HERC1: variants seen among roughly 807,000 people sequenced by gnomAD.
The protein encoded by HERC1 is probable E3 ubiquitin-protein ligase HERC1.
HERC1 carries 160 observed loss-of-function variants against 554.3 expected under a neutral mutation model. The observed-to-expected ratio is 0.29, with a 90% CI of 0.25 to 0.33. HERC1 has a LOEUF of 0.33. Among genes scored for constraint, HERC1 ranks in the 10% least tolerant of loss-of-function variants. The pLI, the probability that HERC1 is intolerant of heterozygous loss-of-function variation, is 1.00. For synonymous variants in HERC1, 2,175 were observed against 2,131.7 expected (o/e 1.02, Z -0.56); for missense variants, 4,919 against 5,918.5 (o/e 0.83, Z 5.54).
chr15:63,755,364 G>T, intron 5 of HERC1, 39 bp from the exon 6 acceptor site: 1 of 1,416,930 alleles, frequency 7.1e-7, no homozygotes, highest in Non-Finnish European at 1.0e-6. Context: ...GTATGCACAT[G>T]TTAAAACATA....
rs1476132175 is a variant in HERC1 at position 63,638,735 on chromosome 15, C to T, written c.11943G>A (p.Met3981Ile). ...KWINGMDEQI[M>I]SWATSRPEDW... ...CCTCAGGTCTGGAAGTTGCCCAAGA[C>T]ATAATTTGTTCATCCATGCCGTTAA... Residue 3981 changes from methionine (M) to isoleucine (I), a missense_variant, in exon 62 of 78, where the codon ATG (methionine) becomes ATA (isoleucine). Physicochemically the swap from Met to Ile is conservative, Grantham distance 10 (BLOSUM62 1). Around this residue, in one of 11 missense-constraint regions of HERC1, gnomAD observed 1,963 missense variants for 2,228.6 expected, o/e 0.88. Transcript: ENST00000443617. 1 of 1,613,610 alleles carries T rather than the reference C, an allele frequency of 6.2e-7. No individual in the cohort carries two copies. Among genetic ancestry groups the T allele is most frequent in the African/African-American group, 1.3e-5 (1 of 75,024 alleles).
rs1470093318 is a variant in HERC1 at position 63,694,110 on chromosome 15, T to C, written c.5528A>G (p.Asp1843Gly). ...LSPKVVQSLL[D>G]LLCSQLKNLL... ...ATTCTTCAACTGACTACAGAGTAGA[T>C]CCAACAAGGATTGAACTACTTTGGG... The change falls in exon 30 of 78, where the codon GAT becomes GGT. Residue 1843 changes from aspartate (D) to glycine (G), a missense_variant. This residue lies in a region of HERC1 where 1,121 missense variants were observed against 1,244.0 expected (regional missense o/e 0.90). Coordinates refer to ENST00000443617, the MANE Select transcript of HERC1 (RefSeq NM_003922.4). This position sits in a 1 kb window ranked among gnomAD's most constrained non-coding sequence, Gnocchi z 4.3. 1 of 1,610,460 alleles carries C rather than the reference T, an allele frequency of 6.2e-7. No homozygotes were observed. Among genetic ancestry groups the C allele is most frequent in the South Asian group, 1.1e-5 (1 of 90,186 alleles).
intron 39 of HERC1, among the ~76,000 whole-genome samples, chr15:63,669,918 G>A (rs920260838): frequency 6.6e-6 from 1 of 152,096 alleles, no homozygotes; most frequent in Non-Finnish European, 1.5e-5. Context: ...TCAGCAAAAT[G>A]CCAGCAACAA....
chr15:63,774,955 C>G lies in HERC1; in HGVS notation c.669G>C (p.Ser223=), dbSNP rs1237843217. The G allele has an allele frequency of 1.9e-6, 3 of 1,613,944 alleles. No individual in the cohort carries two copies. The highest frequency in any genetic ancestry group is 1.7e-5 in the Admixed American group (1 of 60,020). The change falls in exon 2 of 78, where the codon TCG becomes TCC. Residue 223 remains serine, a synonymous_variant. Transcript: ENST00000443617. ...CTCCTTTAAGAAATGTTGTTACTTG[C>G]GATAAGCAGTCCAAGCCCATAGGAG... ...KIPPMGLDCL[S]QVTTFLKGVT...
At position 63,756,431 on chromosome 15, in the gene HERC1, A is replaced by T; in HGVS notation, c.1533+6T>A. On this transcript the variant is annotated splice_donor_region_variant and intron_variant, in intron 5 of 77. Transcript: ENST00000443617. This position sits in a 1 kb window ranked among gnomAD's most constrained non-coding sequence, Gnocchi z 5.0. ...TTATTTTTATAACCAAAAAGAATGC[A>T]CATACCTTTCCTTGTAGAGGTCCCT... 6.2e-7 allele frequency: 1 copy of T among 1,602,634 alleles called. No homozygotes were observed. Among genetic ancestry groups the T allele is most frequent in the Non-Finnish European group, 8.5e-7 (1 of 1,173,706 alleles).
At chr15:63,681,837 C>T (rs1423753244) in intron 34 of HERC1, among the ~76,000 whole-genome samples, 3 of 152,184 alleles carry the variant, frequency 2.0e-5, no homozygotes, top group African/African-American at 7.2e-5. Flanking sequence ...TGCACTTGTG[C>T]TCATGGCAGG....
Position 63,784,547 on chromosome 15 carries a change from T to A in HERC1, c.-26-8898A>T, listed in dbSNP as rs939578122. Among the ~76,000 whole-genome samples the A allele has an allele frequency of 2.0e-5, 3 of 152,276 alleles. No homozygotes were observed. The East Asian group carries it at 5.8e-4, about 29-fold the overall frequency. On this transcript the variant is annotated intron_variant, in intron 1 of 77. Coordinates refer to ENST00000443617, the MANE Select transcript of HERC1 (RefSeq NM_003922.4). ...TTACTGGGAGCTGGGGTAGGAAAGATATTTGCTCTTCACTGCATAAATTTG... is the reference window on the plus strand; with the variant it reads ...TTACTGGGAGCTGGGGTAGGAAAGAAATTTGCTCTTCACTGCATAAATTTG...
At chr15:63,632,016 C>A (rs1051011457) in intron 68 of HERC1, among the ~76,000 whole-genome samples, 3 of 152,214 alleles carry the variant, frequency 2.0e-5, no homozygotes, top group Non-Finnish European at 4.4e-5. Context: ...CATAATCAAT[C>A]CTTCTGGAGT....
At chr15:63,667,181 T>C (rs772387665) in intron 40 of HERC1, among the ~76,000 whole-genome samples, 7 of 152,176 alleles carry the variant, frequency 4.6e-5, no homozygotes, top group Non-Finnish European at 4.4e-5. Flanking sequence ...AACAGAAAGA[T>C]GCACAAAACA....
chr15:63,618,717 A>C (rs947301947), intron 74 of HERC1, among the ~76,000 whole-genome samples: 5 of 152,166 alleles, frequency 3.3e-5, no homozygotes, highest in Non-Finnish European at 5.9e-5. Flanking sequence ...GAGGTCCTTC[A>C]CATCCCTTGT....
chr15:63,690,481 T>C, intron 32 of HERC1, 60 bp downstream of exon 32: 1 of 1,067,374 alleles, frequency 9.4e-7, no homozygotes, highest in South Asian at 1.3e-5. Context: ...TAAGTACAGA[T>C]TTGGGTGAAT....
At chr15:63,699,075 T>C in intron 25 of HERC1, 79 bp from the exon 26 acceptor site, 1 of 1,286,288 alleles carries the variant, frequency 7.8e-7, no homozygotes. Context: ...GGCTGAGTGC[T>C]GCTACCATAA....
rs938052998 is a variant in HERC1 at position 63,749,252 on chromosome 15, T to A, written c.2219+115A>T. 40 of 799,912 alleles carry A rather than the reference T, an allele frequency of 5.0e-5. No homozygotes were observed. The African/African-American group carries it at 6.3e-4, about 13-fold the overall frequency. 49.6% of individuals were successfully genotyped at this position (799,912 alleles called of 1,614,324 possible). A position where few individuals can be genotyped will look rare whatever the true frequency, so the allele number is the denominator to read the frequency against. On this transcript the variant is annotated intron_variant, in intron 10 of 77. Transcript: ENST00000443617. The surrounding 1 kb of genome is among the most constrained non-coding windows in gnomAD (Gnocchi z 4.1). ...AGAGAAAAAGCAATACTATATATGT[T>A]CAGAAGAGTATTTTATGAACAAAGC...
rs35074987 is a variant in HERC1, at chr15:63,821,726, C to CAAAAAAAAA, written c.-27+12092_-27+12100dup. 7.7e-4 allele frequency among the ~76,000 whole-genome samples: 48 copies of CAAAAAAAAA among 62,468 alleles called. 1 individual carries two copies. Among genetic ancestry groups the CAAAAAAAAA allele is most frequent in the African/African-American group, 3.3e-3 (47 of 14,334 alleles). 41.0% of individuals were successfully genotyped at this position (62,468 alleles called of 152,430 possible). A position where few individuals can be genotyped will look rare whatever the true frequency, so the allele number is the denominator to read the frequency against. ...TGGGAGACAGAGTGATACCCTGTCT[C>CAAAAAAAAA]AAAAAAAAAAAAAAAAAAAAAAAAT... On this transcript the variant is annotated intron_variant, in intron 1 of 77. Transcript: ENST00000443617.
chr15:63,693,983 A>G lies in HERC1; in HGVS notation c.5655T>C (p.Thr1885=), dbSNP rs775725934. 1 of 1,552,966 alleles carries G rather than the reference A, an allele frequency of 6.4e-7. No individual in the cohort carries two copies. Among genetic ancestry groups the G allele is most frequent in the Non-Finnish European group, 8.7e-7 (1 of 1,147,828 alleles). ...EEKKVDSSGE[T]EKKDFRAALR... ...CATTACCTCTGAAATCTTTCTTCTC[A>G]GTTTCTCCACTGGAGTCAACTTTTT... Residue 1885 remains threonine, a synonymous_variant, in exon 30 of 78, where the codon ACT becomes ACC. Transcript: ENST00000443617.
rs144619662 is a variant in HERC1, at chr15:63,644,325, A to G, written c.11184+667T>C. Among the ~76,000 whole-genome samples the G allele has an allele frequency of 3.8e-3, 583 of 152,366 alleles. 3 individuals are homozygous for G. The highest frequency in any genetic ancestry group is 6.8e-3 in the Middle Eastern group (2 of 294). On this transcript the variant is annotated intron_variant, in intron 57 of 77. Coordinates refer to ENST00000443617, the MANE Select transcript of HERC1 (RefSeq NM_003922.4). ...AGAGATGCGATCTGACTGGCCACTC[A>G]GTGTTTTAAACAATTTTAAGTTAGG... is the stretch of plus-strand genomic sequence containing the variant.
Position 63,669,591 on chromosome 15 carries a change from C to G in HERC1, c.8153G>C (p.Arg2718Thr). 1 of 1,613,876 alleles carries G rather than the reference C, an allele frequency of 6.2e-7. No homozygotes were observed. Among genetic ancestry groups the G allele is most frequent in the East Asian group, 2.2e-5 (1 of 44,886 alleles). The change falls in exon 40 of 78, where the codon AGG (arginine) becomes ACG (threonine). Residue 2718 changes from arginine to threonine, a missense_variant. Physicochemically the swap from Arg to Thr is moderately conservative, Grantham distance 71. Transcript: ENST00000443617. ...PTSPSDEVGR[R>T]QSLTSPDSQS... Reference sequence around the variant, plus strand: ...GGAATCAGGAGAAGTTAAACTTTGCCTCCTTCCTACTTCATCAGAAGGAGA... The same window carrying G: ...GGAATCAGGAGAAGTTAAACTTTGCGTCCTTCCTACTTCATCAGAAGGAGA...
At chr15:63,666,213 A>G in intron 41 of HERC1, 63 bp from the exon 42 acceptor site, 1 of 1,458,618 alleles carries the variant, frequency 6.9e-7, no homozygotes, top group South Asian at 1.2e-5. Context: ...TTATGTTATA[A>G]GAGTGTTTGC....
In HERC1 at chr15:63,754,654, A is replaced by G. The variant is rs375449836; in HGVS notation, c.1631-6T>C. On this transcript the variant is annotated splice_region_variant and splice_polypyrimidine_tract_variant and intron_variant, in intron 6 of 77. Coordinates refer to ENST00000443617, the MANE Select transcript of HERC1 (RefSeq NM_003922.4). ...ACTATTGCTGTCACCATGACCTTGGATAAAACACACACAACAACAAAGAAA... is the reference window on the plus strand; with the variant it reads ...ACTATTGCTGTCACCATGACCTTGGGTAAAACACACACAACAACAAAGAAA... 1.4e-5 allele frequency: 22 copies of G among 1,610,380 alleles called. No individual in the cohort carries two copies. In the African/African-American group the frequency reaches 1.9e-4, roughly 14 times the overall value.
Sources: gnomAD v4.1 joint callset for allele counts (sites outside exome capture counted in the v4.1 genomes callset) on GRCh38, gnomAD v4.1.1 for gene constraint, gnomAD v4.1.1 regional missense constraint, Gnocchi (gnomAD v3.1) non-coding constraint, MANE v1.5 for transcripts, NCBI Gene and HGNC (gene_info 2026-07-23, HGNC 2026-07-21) for gene names.